The following ERCC6L2 variants were observed in gnomAD, a reference collection of about 807,000 sequenced individuals.
ERCC6L2 encodes DNA excision repair protein ERCC-6-like 2.
ERCC6L2 carries 77 observed loss-of-function variants against 132.0 expected under a neutral mutation model. The observed-to-expected ratio is 0.58, with a 90% CI of 0.49 to 0.71. ERCC6L2 has a LOEUF of 0.71. Ranked by LOEUF, ERCC6L2 falls within the 30% of genes least tolerant of loss-of-function variation. ERCC6L2 has a pLI of 0.00. For synonymous variants in ERCC6L2, 583 were observed against 632.4 expected (o/e 0.92, Z 1.17); for missense variants, 1,542 against 1,837.6 (o/e 0.84, Z 2.94).
chr9:96,038,646 G>A (rs1180378629), intron 19 of ERCC6L2, among the ~76,000 whole-genome samples: 1 of 152,228 alleles, frequency 6.6e-6, no homozygotes, highest in East Asian at 1.9e-4. Context: ...GGCTTCGCAA[G>A]GCAGCTCTGG....
rs1460726505 is a variant in ERCC6L2 at position 95,966,556 on chromosome 9, T to G, written c.1948-6T>G. 2 of 1,461,038 alleles carry G rather than the reference T, an allele frequency of 1.4e-6. No homozygotes were observed. Among genetic ancestry groups the G allele is most frequent in the Non-Finnish European group, 1.8e-6 (2 of 1,089,736 alleles). 90.5% of individuals were successfully genotyped at this position (1,461,038 alleles called of 1,614,324 possible). ...TCAAAAATGTCTTGTGTTTTTTCTG[T>G]TTTAGCAACTTCACTGTGTGGTGGT... On this transcript the variant is annotated splice_polypyrimidine_tract_variant and splice_region_variant and intron_variant, in intron 13 of 18. Transcript: ENST00000653738.
At chr9:95,954,056 C>T (rs1410695116) in intron 12 of ERCC6L2, among the ~76,000 whole-genome samples, 1 of 152,120 alleles carries the variant, frequency 6.6e-6, no homozygotes. Context: ...TCAGAATATC[C>T]ATATGTGATA....
At chr9:95,937,690 T>G (rs924169722) in intron 11 of ERCC6L2, among the ~76,000 whole-genome samples, 2 of 151,532 alleles carry the variant, frequency 1.3e-5, no homozygotes, top group African/African-American at 4.9e-5. Flanking sequence ...TGATATCCCT[T>G]GTTTCATTTC....
chr9:95,884,853 G>A (rs1827781319), intron 2 of ERCC6L2, among the ~76,000 whole-genome samples: 2 of 152,204 alleles, frequency 1.3e-5, no homozygotes, highest in Non-Finnish European at 2.9e-5. Context: ...AAGTGACCTA[G>A]TAGTAGGTGA....
chr9:95,992,072 T>A (rs1446514651), intron 17 of ERCC6L2, among the ~76,000 whole-genome samples: 4 of 152,178 alleles, frequency 2.6e-5, no homozygotes, highest in Non-Finnish European at 5.9e-5. Context: ...TCACAACAGA[T>A]TGAATGTAGA....
At chr9:96,024,027 T>G (rs1221469964) in intron 19 of ERCC6L2, among the ~76,000 whole-genome samples, 4 of 152,254 alleles carry the variant, frequency 2.6e-5, no homozygotes, top group African/African-American at 9.6e-5. Context: ...TGCTGGAGAC[T>G]GTTTAAATGT....
chr9:95,908,167 A>C (rs1331808704), intron 4 of ERCC6L2, among the ~76,000 whole-genome samples: 3 of 152,140 alleles, frequency 2.0e-5, no homozygotes. Flanking sequence ...GCTTCTCCTC[A>C]ACCCCCATTC....
At chr9:95,888,317 T>C (rs1264415282) in intron 2 of ERCC6L2, among the ~76,000 whole-genome samples, 1 of 152,210 alleles carries the variant, frequency 6.6e-6, no homozygotes, top group Admixed American at 6.5e-5. Context: ...GAAAGATGAC[T>C]TATAAAACTG....
intron 3 of ERCC6L2, among the ~76,000 whole-genome samples, chr9:95,901,501 T>C (rs1405529507): frequency 1.3e-5 from 2 of 152,244 alleles, no homozygotes; most frequent in African/African-American, 4.8e-5. Context: ...CTTGACTTAG[T>C]CTTTCCAACT....
chr9:95,876,460 T>C, intron 1 of ERCC6L2: 1 of 200,366 alleles, frequency 5.0e-6, no homozygotes, highest in East Asian at 1.2e-4. Flanking sequence ...TTATTTTCAT[T>C]CTTTATTCTT....
At chr9:96,039,068 C>G in exon 20 of ERCC6L2, 2 of 388,286 alleles carry the variant, frequency 5.2e-6, no homozygotes, top group South Asian at 1.9e-5. Context: ...TGGCTGACAT[C>G]TTCACTGCAA....
In ERCC6L2 at chr9:96,012,726, T is replaced by A; in HGVS notation, c.4176T>A (p.Arg1392=). The A allele has an allele frequency of 7.3e-7, 1 of 1,367,324 alleles. No homozygotes were observed. Among genetic ancestry groups the A allele is most frequent in the South Asian group, 1.1e-5 (1 of 88,014 alleles). The allele number at this position is 1,367,324 out of a possible 1,614,324, so 84.7% of individuals were successfully genotyped here. Residue 1392 remains arginine, a synonymous_variant, in exon 19 of 19, where the codon CGT becomes CGA. Coordinates refer to ENST00000653738, the MANE Select transcript of ERCC6L2 (RefSeq NM_020207.7). ...SRSLNSESET[R]ERRLENTMKD... is the part of the protein sequence containing the mutation. ...CTCTGAACAGTGAGTCTGAAACACG[T>A]GAGAGAAGGTTAGAAAATACCATGA... is the stretch of plus-strand genomic sequence containing the variant.
At chr9:95,945,603 C>T (rs565767578) in intron 12 of ERCC6L2, among the ~76,000 whole-genome samples, 5 of 152,080 alleles carry the variant, frequency 3.3e-5, no homozygotes, top group South Asian at 2.1e-4. Context: ...TAAAGACAGG[C>T]GTAAGAAATT....
intron 6 of ERCC6L2, among the ~76,000 whole-genome samples, chr9:95,917,403 C>T (rs1238414140): frequency 6.6e-6 from 1 of 152,112 alleles, no homozygotes; most frequent in African/African-American, 2.4e-5. Flanking sequence ...AATGTTGTCC[C>T]AAATAAGGGC....
chr9:95,900,734 C>A (rs1828731037), intron 3 of ERCC6L2, among the ~76,000 whole-genome samples: 1 of 151,994 alleles, frequency 6.6e-6, no homozygotes, highest in Admixed American at 6.6e-5. Flanking sequence ...ATTGTGCATT[C>A]TTTGTAATCA....
intron 2 of ERCC6L2, among the ~76,000 whole-genome samples, chr9:95,896,589 A>G (rs975234001): frequency 4.0e-5 from 6 of 151,710 alleles, no homozygotes; most frequent in African/African-American, 1.2e-4. Context: ...GTGCCCAGCT[A>G]ATTTTTCTAA....
chr9:95,957,257 A>T (rs1033808599), intron 13 of ERCC6L2, among the ~76,000 whole-genome samples: 1 of 152,172 alleles, frequency 6.6e-6, no homozygotes, highest in African/African-American at 2.4e-5. Context: ...GTTGGCATCT[A>T]TTTAAGAGCA....
chr9:95,913,076 T>G (rs2132691582), intron 4 of ERCC6L2, among the ~76,000 whole-genome samples: 1 of 152,304 alleles, frequency 6.6e-6, no homozygotes, highest in Non-Finnish European at 1.5e-5. Context: ...GATATGTTTC[T>G]CCCTTTGTAA....
downstream of ERCC6L2, among the ~76,000 whole-genome samples, chr9:96,022,354 A>C (rs1387347499): frequency 6.6e-6 from 1 of 152,228 alleles, no homozygotes; most frequent in Non-Finnish European, 1.5e-5. Context: ...TAAAGGCTGC[A>C]GGGGACATCG....
Sources: gnomAD v4.1 joint callset for allele counts (sites outside exome capture counted in the v4.1 genomes callset) on GRCh38, gnomAD v4.1.1 for gene constraint, MANE v1.5 for transcripts, NCBI Gene and HGNC (gene_info 2026-07-23, HGNC 2026-07-21) for gene names.